Variants in SEC24A observed in about 807,000 individuals in gnomAD.
SEC24A encodes the protein SEC24 homolog A, COPII component.
In SEC24A, 93 loss-of-function variants were observed where a neutral mutation model predicts 129.4. That is an observed-to-expected ratio of 0.72 (90% CI 0.61 to 0.85). SEC24A has a LOEUF of 0.85. SEC24A is among the 40% of genes least tolerant of loss of function. The pLI is 0.00. For missense variants in SEC24A, 1,264 were observed against 1,307.4 expected, an observed-to-expected ratio of 0.97 and a Z score of 0.51; for synonymous variants, 460 against 467.3, an observed-to-expected ratio of 0.98 and a Z score of 0.20.
intron 2 of SEC24A, among the ~76,000 whole-genome samples, chr5:134,665,205 T>C (rs1750616101): frequency 6.6e-6 from 1 of 151,736 alleles, no homozygotes; most frequent in African/African-American, 2.4e-5. Context: ...TTCCAGCACT[T>C]TGAGAGGCCG....
chr5:134,681,539 A>G (rs139765365), intron 8 of SEC24A, among the ~76,000 whole-genome samples: 2 of 152,178 alleles, frequency 1.3e-5, no homozygotes, highest in East Asian at 3.9e-4. Flanking sequence ...AACAATTCTG[A>G]AAATGTACAT....
rs371086375 is a variant in SEC24A, at chr5:134,725,069, A to G, written c.3257A>G (p.His1086Arg). ...TTATCATATTATGAATTCCTGTTGC[A>G]TATACAGCAACAAGTGAATAAATGA... ...SALSYYEFLLHIQQQVNK is the reference protein window; with the variant it reads ...SALSYYEFLLRIQQQVNK Residue 1086 changes from histidine to arginine, a missense_variant, in exon 23 of 23, where the codon CAT becomes CGT. By Grantham distance (29) the His-to-Arg change is conservative. Coordinates refer to ENST00000398844, the MANE Select transcript of SEC24A (RefSeq NM_021982.3). 12 of 1,538,768 alleles carry G rather than the reference A, an allele frequency of 7.8e-6. No homozygotes were observed. Among genetic ancestry groups the G allele is most frequent in the South Asian group, 2.3e-5 (2 of 88,588 alleles).
intron 16 of SEC24A, 103 bp downstream of exon 16, chr5:134,704,035 TA>T (rs1342056737): frequency 1.0e-4 from 59 of 572,174 alleles, no homozygotes; most frequent in Non-Finnish European, 1.7e-4. Flanking sequence ...TTATGTGTGC[TA>T]ACTTAAAATT....
chr5:134,688,063 G>A, intron 10 of SEC24A, 118 bp from the exon 11 acceptor site: 1 of 724,672 alleles, frequency 1.4e-6, no homozygotes, highest in South Asian at 1.6e-5. Context: ...ATTTGTTTGT[G>A]TTGGGCCAAT....
intron 1 of SEC24A, among the ~76,000 whole-genome samples, chr5:134,655,339 A>G (rs888508439): frequency 2.0e-5 from 3 of 152,126 alleles, no homozygotes. Flanking sequence ...TTACCCACAC[A>G]TCCCAAAATT....
rs764144502 is a variant in SEC24A at position 134,693,968 on chromosome 5, GCTGGTGTTCCATC to G, written c.1986+37_1986+49del. 6 of 1,556,596 alleles carry G rather than the reference GCTGGTGTTCCATC, an allele frequency of 3.9e-6. No individual in the cohort carries two copies. The Admixed American group carries it at 1.0e-4, about 26-fold the overall frequency. On this transcript the variant is annotated intron_variant, in intron 13 of 22. Coordinates refer to ENST00000398844, the MANE Select transcript of SEC24A (RefSeq NM_021982.3). ...TCATGAAATGTCTGATAAGGTTTAT[GCTGGTGTTCCATC>G]CCTGTGACCATAGAACTTGTTTTTT...
At chr5:134,705,091 T>TA (rs1491338363) in intron 16 of SEC24A, among the ~76,000 whole-genome samples, 5,254 of 94,770 alleles carry the variant, frequency 0.055, 114 homozygotes, top group African/African-American at 0.11. Flanking sequence ...TATATATATA[T>TA]TTTTTTTTTT....
Position 134,692,645 on chromosome 5 carries a change from T to C in SEC24A, c.1767T>C (p.Asn589=). The C allele has an allele frequency of 7.0e-7, 1 of 1,419,492 alleles. No individual in the cohort carries two copies. Among genetic ancestry groups the C allele is most frequent in the Middle Eastern group, 1.8e-4 (1 of 5,700 alleles). 87.9% of individuals were successfully genotyped at this position (1,419,492 alleles called of 1,614,324 possible). A position where few individuals can be genotyped will look rare whatever the true frequency, so the allele number is the denominator to read the frequency against. ...CAGAGAACTTATTAGTAAACTTAAA[T>C]GAAAGTAAAGAGGTAAGGCACATTT... ...PMPENLLVNL[N]ESKELVQDLL... is the part of the protein sequence containing the mutation. Residue 589 remains asparagine, a synonymous_variant, in exon 12 of 23, where the codon AAT becomes AAC. Transcript: ENST00000398844.
chr5:134,701,014 G>C (rs900111865), intron 15 of SEC24A, among the ~76,000 whole-genome samples: 2 of 151,778 alleles, frequency 1.3e-5, no homozygotes, highest in African/African-American at 4.8e-5. Flanking sequence ...CACCGCGCCT[G>C]GACTGTATTT....
chr5:134,674,490 T>C lies in SEC24A; in HGVS notation c.818-125T>C, dbSNP rs573574391. 60 of 752,694 alleles carry C rather than the reference T, an allele frequency of 8.0e-5. No homozygotes were observed. The South Asian group carries it at 1.3e-3, about 16-fold the overall frequency. The allele number at this position is 752,694 out of a possible 1,614,324, so 46.6% of individuals were successfully genotyped here. On this transcript the variant is annotated intron_variant, in intron 4 of 22. Coordinates refer to ENST00000398844, the MANE Select transcript of SEC24A (RefSeq NM_021982.3). Reference sequence around the variant, plus strand: ...AGGTTAAGGCTGCAGTGAGGTGTGATTGCACCACTGCACTGCAGCCTGGGC... The same window carrying C: ...AGGTTAAGGCTGCAGTGAGGTGTGACTGCACCACTGCACTGCAGCCTGGGC...
Position 134,703,928 on chromosome 5 carries a change from C to G in SEC24A, c.2436C>G (p.Ser812Arg), listed in dbSNP as rs1752077981. The G allele has an allele frequency of 6.4e-7, 1 of 1,551,392 alleles. No individual in the cohort carries two copies. Among genetic ancestry groups the G allele is most frequent in the Non-Finnish European group, 8.8e-7 (1 of 1,142,342 alleles). Residue 812 changes from serine (S) to arginine (R), a missense_variant, in exon 16 of 23, where the codon AGC becomes AGG. Transcript: ENST00000398844. ...AGTCAGCACTCTTGTATACATCCAG[C>G]AAAGGTAAATTGTTTGTTTTTTTTT... ...SFQSALLYTS[S>R]KGERRIRVHT...
chr5:134,691,097 C>T (rs1289378999), intron 11 of SEC24A, among the ~76,000 whole-genome samples: 2 of 151,876 alleles, frequency 1.3e-5, no homozygotes, highest in Non-Finnish European at 2.9e-5. Flanking sequence ...AAGTGAACTG[C>T]CCACCTCGGC....
chr5:134,669,020 C>T (rs941400901), intron 3 of SEC24A, among the ~76,000 whole-genome samples: 19 of 149,496 alleles, frequency 1.3e-4, no homozygotes, highest in South Asian at 4.4e-4. Flanking sequence ...TGCAGTGAGC[C>T]GAGATCACAC....
rs1261993261 is a variant in SEC24A, at chr5:134,703,921, C to T, written c.2429C>T (p.Thr810Ile). Residue 810 changes from threonine to isoleucine, a missense_variant, in exon 16 of 23, where the codon ACA (threonine) becomes ATA (isoleucine). Coordinates refer to ENST00000398844, the MANE Select transcript of SEC24A (RefSeq NM_021982.3). ...LVSFQSALLY[T>I]SSKGERRIRV... ...TCTTTTCAGTCAGCACTCTTGTATACATCCAGCAAAGGTAAATTGTTTGTT... is the reference window on the plus strand; with the variant it reads ...TCTTTTCAGTCAGCACTCTTGTATATATCCAGCAAAGGTAAATTGTTTGTT... 3 of 1,563,880 alleles carry T rather than the reference C, an allele frequency of 1.9e-6. No individual in the cohort carries two copies. The highest frequency in any genetic ancestry group is 1.9e-5 in the Admixed American group (1 of 53,648).
At chr5:134,709,922 C>A (rs1302994225) in intron 18 of SEC24A, among the ~76,000 whole-genome samples, 1 of 151,918 alleles carries the variant, frequency 6.6e-6, no homozygotes, top group Admixed American at 6.6e-5. Flanking sequence ...TTTTTTGAGA[C>A]AGAGTCTTGC....
At chr5:134,654,510 GC>G (rs1561798916) in intron 1 of SEC24A, among the ~76,000 whole-genome samples, 1 of 151,940 alleles carries the variant, frequency 6.6e-6, no homozygotes, top group Non-Finnish European at 1.5e-5. Flanking sequence ...GTGAGCCACT[GC>G]GCCCAGCTGA....
At chr5:134,723,692 C>G in intron 22 of SEC24A, 22 bp downstream of exon 22, 1 of 1,430,682 alleles carries the variant, frequency 7.0e-7, no homozygotes, top group Non-Finnish European at 9.9e-7. Flanking sequence ...TTTCCATTTG[C>G]TAGTAGTAAA....
At chr5:134,710,697 A>G (rs1752301839) in intron 18 of SEC24A, among the ~76,000 whole-genome samples, 1 of 152,060 alleles carries the variant, frequency 6.6e-6, no homozygotes, top group Non-Finnish European at 1.5e-5. Flanking sequence ...TATTATTTAT[A>G]TGTCTCCCCT....
In SEC24A at chr5:134,674,613, A is replaced by G; in HGVS notation, c.818-2A>G. The G allele has an allele frequency of 6.2e-7, 1 of 1,610,116 alleles. No homozygotes were observed. The highest frequency in any genetic ancestry group is 8.5e-7 in the Non-Finnish European group (1 of 1,178,290). ...AGAACTTAAAAGTTACCTTGTTTCT[A>G]GCAACACCACAGCTTACTAACAAGA... On this transcript the variant is annotated splice_acceptor_variant, in intron 4 of 22. Coordinates refer to ENST00000398844, the MANE Select transcript of SEC24A (RefSeq NM_021982.3). LOFTEE classifies it high-confidence loss of function.
Sources: gnomAD v4.1 joint callset for allele counts (sites outside exome capture counted in the v4.1 genomes callset) on GRCh38, gnomAD v4.1.1 for gene constraint, MANE v1.5 for transcripts, NCBI Gene and HGNC (gene_info 2026-07-23, HGNC 2026-07-21) for gene names.